FHIT: variants seen among roughly 807,000 people sequenced by gnomAD.
FHIT encodes the protein fragile histidine triad diadenosine triphosphatase.
A neutral mutation model predicts 17.9 loss-of-function variants in FHIT; 19 were observed. That is an observed-to-expected ratio of 1.06 (90% CI 0.74 to 1.56). FHIT has a LOEUF of 1.56. Among genes scored for constraint, FHIT ranks in the 40% most tolerant of loss-of-function variants. FHIT has a pLI of 0.00. For synonymous variants in FHIT, 81 were observed against 69.7 expected (o/e 1.16, Z -0.81); for missense variants, 248 against 189.2 (o/e 1.31, Z -1.82).
At chr3:59,830,271 C>T (rs1701121478) in intron 8 of FHIT, among the ~76,000 whole-genome samples, 1 of 152,074 alleles carries the variant, frequency 6.6e-6, no homozygotes, top group East Asian at 1.9e-4. Context: ...TGTACCTCCT[C>T]TATTGGAGAA....
chr3:60,327,332 A>G (rs1576480991), intron 5 of FHIT, among the ~76,000 whole-genome samples: 1 of 152,210 alleles, frequency 6.6e-6, no homozygotes, highest in Middle Eastern at 3.4e-3. Flanking sequence ...AGGGTCTGTC[A>G]CCCTTTTCAG....
intron 5 of FHIT, among the ~76,000 whole-genome samples, chr3:60,383,914 T>C (rs963980255): frequency 6.6e-6 from 1 of 152,156 alleles, no homozygotes; most frequent in African/African-American, 2.4e-5. Flanking sequence ...AGCAAAAACA[T>C]GACCATCTTT....
At chr3:60,994,589 G>C (rs1258693529) in intron 3 of FHIT, among the ~76,000 whole-genome samples, 1 of 152,130 alleles carries the variant, frequency 6.6e-6, no homozygotes, top group African/African-American at 2.4e-5. Context: ...AATTAAATAA[G>C]ATCATGCCGA....
chr3:60,123,041 C>T (rs1006697624), intron 5 of FHIT, among the ~76,000 whole-genome samples: 1 of 152,160 alleles, frequency 6.6e-6, no homozygotes, highest in Non-Finnish European at 1.5e-5. Flanking sequence ...TTACTGACTT[C>T]CTAGTTTTCT....
intron 3 of FHIT, among the ~76,000 whole-genome samples, chr3:60,913,067 A>T (rs1361314391): frequency 6.6e-6 from 1 of 152,228 alleles, no homozygotes; most frequent in East Asian, 1.9e-4. Flanking sequence ...AGGTGAAAGC[A>T]TTGCCATGAT....
At chr3:60,795,456 A>AT (rs1388724658) in intron 4 of FHIT, among the ~76,000 whole-genome samples, 3 of 151,504 alleles carry the variant, frequency 2.0e-5, no homozygotes, top group African/African-American at 7.3e-5. Flanking sequence ...TTCTCCTTTG[A>AT]ATATTTTAAT....
chr3:60,783,113 A>T (rs1220288767), intron 4 of FHIT, among the ~76,000 whole-genome samples: 1 of 152,020 alleles, frequency 6.6e-6, no homozygotes, highest in South Asian at 2.1e-4. Flanking sequence ...CCTCCTAAGT[A>T]GCTGGAACTA....
At chr3:60,203,548 A>T (rs188508416) in intron 5 of FHIT, among the ~76,000 whole-genome samples, 243 of 152,318 alleles carry the variant, frequency 1.6e-3, no homozygotes, top group Non-Finnish European at 2.8e-3. Flanking sequence ...CATAGTTTTG[A>T]CAAAAAAGAT....
chr3:60,884,349 A>G (rs1404639313), intron 3 of FHIT, among the ~76,000 whole-genome samples: 1 of 152,182 alleles, frequency 6.6e-6, no homozygotes, highest in Non-Finnish European at 1.5e-5. Flanking sequence ...TGACCCAGCA[A>G]TCCTGCTGCT....
intron 5 of FHIT, among the ~76,000 whole-genome samples, chr3:60,501,794 G>T (rs932594438): frequency 6.6e-6 from 1 of 152,188 alleles, no homozygotes; most frequent in Non-Finnish European, 1.5e-5. Context: ...GAAATGTAAC[G>T]AAGTGATACT....
At chr3:60,434,075 T>C (rs1200306505) in intron 5 of FHIT, among the ~76,000 whole-genome samples, 1 of 152,136 alleles carries the variant, frequency 6.6e-6, no homozygotes, top group Non-Finnish European at 1.5e-5. Flanking sequence ...ACTTTGAGCT[T>C]ATTTTTATGT....
chr3:60,010,845 A>C (rs558795264), intron 7 of FHIT, among the ~76,000 whole-genome samples: 6 of 152,310 alleles, frequency 3.9e-5, no homozygotes, highest in Admixed American at 2.6e-4. Context: ...TATTAAGTAC[A>C]CAGGGAGGAA....
At chr3:61,214,779 T>A (rs1205104709) in intron 1 of FHIT, among the ~76,000 whole-genome samples, 2 of 152,180 alleles carry the variant, frequency 1.3e-5, no homozygotes, top group African/African-American at 2.4e-5. Context: ...GCAAACCGAA[T>A]CCAGCAGCAC....
intron 3 of FHIT, among the ~76,000 whole-genome samples, chr3:60,883,323 T>C (rs1361266869): frequency 6.6e-6 from 1 of 152,086 alleles, no homozygotes; most frequent in African/African-American, 2.4e-5. Context: ...GATGTAAACC[T>C]TTTCAAAATA....
intron 4 of FHIT, among the ~76,000 whole-genome samples, chr3:60,632,268 A>T (rs1283927726): frequency 6.6e-6 from 1 of 152,186 alleles, no homozygotes; most frequent in Admixed American, 6.5e-5. Context: ...GATTTCTGCC[A>T]GGAGTTCTAC....
chr3:60,979,085 A>G (rs183997380), intron 3 of FHIT, among the ~76,000 whole-genome samples: 6 of 152,348 alleles, frequency 3.9e-5, no homozygotes, highest in Non-Finnish European at 5.9e-5. Flanking sequence ...ATGAAAATAC[A>G]TCTGATGATT....
At chr3:61,181,155 A>G (rs1198223947) in intron 2 of FHIT, among the ~76,000 whole-genome samples, 3 of 152,202 alleles carry the variant, frequency 2.0e-5, no homozygotes, top group African/African-American at 7.2e-5. Flanking sequence ...AAGTCAATTA[A>G]TTGTTCTTTG....
At chr3:61,041,409 T>C (rs1014691054) in intron 3 of FHIT, among the ~76,000 whole-genome samples, 11 of 151,790 alleles carry the variant, frequency 7.2e-5, no homozygotes, top group East Asian at 1.9e-4. Context: ...CTACCGAGAA[T>C]CCGCACCTCC....
intron 3 of FHIT, among the ~76,000 whole-genome samples, chr3:60,901,441 T>C (rs1476079675): frequency 2.0e-5 from 3 of 152,218 alleles, no homozygotes; most frequent in Non-Finnish European, 4.4e-5. Context: ...AAGAAGTATG[T>C]GGCAGAATAA....
Sources: gnomAD v4.1 joint callset for allele counts (sites outside exome capture counted in the v4.1 genomes callset) on GRCh38, gnomAD v4.1.1 for gene constraint, MANE v1.5 for transcripts, NCBI Gene and HGNC (gene_info 2026-07-23, HGNC 2026-07-21) for gene names.